EP300: variants seen among roughly 807,000 people sequenced by gnomAD.
EP300 encodes EP300 lysine acetyltransferase.
In EP300, 31 loss-of-function variants were observed where a neutral mutation model predicts 264.0. That is an observed-to-expected ratio of 0.12 (90% CI 0.09 to 0.16). The LOEUF is 0.16. EP300 is among the 10% of genes least tolerant of loss of function. EP300 has a pLI of 1.00. For synonymous variants in EP300, 1,340 were observed against 1,045.4 expected (o/e 1.28, Z -5.44); for missense variants, 2,766 against 3,052.9 (o/e 0.91, Z 2.21).
At chr22:41,167,582 GTGTATATATATATATATATA>G (rs1232429240) in intron 23 of EP300, among the ~76,000 whole-genome samples, 122 of 21,660 alleles carry the variant, frequency 5.6e-3, no homozygotes, top group African/African-American at 0.017. Flanking sequence ...GTGTGTGTGT[GTGTATATATATATATATATA>G]TATATATATA....
intron 19 of EP300, 123 bp from the exon 20 acceptor site, chr22:41,160,519 G>A: frequency 2.5e-6 from 2 of 805,128 alleles, no homozygotes; most frequent in Non-Finnish European, 4.3e-6. Context: ...TGTCGCCGTT[G>A]ATGACCTGCT....
At position 41,111,012 on chromosome 22, in the gene EP300, C is replaced by A. The variant is rs1018255915; in HGVS notation, c.95-6175C>A. The stretch of plus-strand genomic sequence containing the variant: ...TAGAGTCTCACTCTTGTCACCCAGG[C>A]CGGAATGCAGTGGTACAATCTCTGC... On this transcript the variant is annotated intron_variant, in intron 1 of 30. Transcript: ENST00000263253. 1.7e-4 allele frequency among the ~76,000 whole-genome samples: 26 copies of A among 151,342 alleles called. 1 individual carries two copies. The highest frequency in any genetic ancestry group is 1.3e-3 in the Admixed American group (19 of 15,188).
intron 5 of EP300, among the ~76,000 whole-genome samples, chr22:41,130,265 A>G (rs1569097492): frequency 6.6e-6 from 1 of 151,804 alleles, no homozygotes; most frequent in Non-Finnish European, 1.5e-5. Context: ...AAAAAAAAAA[A>G]AAAAAGAAAG....
intron 22 of EP300, 95 bp from the exon 23 acceptor site, chr22:41,166,504 C>T: frequency 2.1e-6 from 2 of 956,544 alleles, no homozygotes; most frequent in Non-Finnish European, 3.3e-6. Flanking sequence ...TTTAGAAATA[C>T]TTCTGCTAGA....
At chr22:41,117,041 A>G (rs1484840998) in intron 1 of EP300, 146 bp from the exon 2 acceptor site, 2 of 765,632 alleles carry the variant, frequency 2.6e-6, no homozygotes, top group East Asian at 2.7e-5. Flanking sequence ...AGCCTGTGCA[A>G]CAGAGTAAGA....
At chr22:41,131,707 G>C in intron 6 of EP300, 74 bp downstream of exon 6, 5 of 1,601,988 alleles carry the variant, frequency 3.1e-6, no homozygotes, top group Non-Finnish European at 3.4e-6. Flanking sequence ...AGTGTTGTTA[G>C]CTCCTTTTTA....
chr22:41,107,578 T>A (rs1404521908), intron 1 of EP300, among the ~76,000 whole-genome samples: 1 of 152,232 alleles, frequency 6.6e-6, no homozygotes, highest in Admixed American at 6.5e-5. Flanking sequence ...GGGATTATAT[T>A]TTTAATGGTT....
chr22:41,128,446 A>C (rs1398683844), intron 4 of EP300, among the ~76,000 whole-genome samples: 1 of 151,892 alleles, frequency 6.6e-6, no homozygotes, highest in Non-Finnish European at 1.5e-5. Flanking sequence ...GGACGATAGA[A>C]CCAAACCCTG....
chr22:41,177,735 T>C lies in EP300; in HGVS notation c.6024T>C (p.Ser2008=). 3 of 1,613,774 alleles carry C rather than the reference T, an allele frequency of 1.9e-6. No homozygotes were observed. The highest frequency in any genetic ancestry group is 2.5e-6 in the Non-Finnish European group (3 of 1,179,994). Residue 2008 remains serine, a synonymous_variant, in exon 31 of 31, where the codon TCT becomes TCC. Transcript: ENST00000263253. ...TGCCTCAGCCCCAGCAACTACAGTC[T>C]GGGATGCCAAGGCCAGCCATGATGT... The part of the protein sequence containing the change: ...GGLPQPQQLQ[S]GMPRPAMMSV...
intron 23 of EP300, 51 bp from the exon 24 acceptor site, chr22:41,168,398 C>G (rs749596241): frequency 4.2e-5 from 68 of 1,603,976 alleles, no homozygotes; most frequent in Non-Finnish European, 1.4e-5. Flanking sequence ...AACCTTAAGA[C>G]TAACAACAGT....
chr22:41,112,044 C>G (rs1438646265), intron 1 of EP300, among the ~76,000 whole-genome samples: 2 of 151,738 alleles, frequency 1.3e-5, no homozygotes, highest in Non-Finnish European at 2.9e-5. Flanking sequence ...TCCGCCACCG[C>G]GCCCAGCTAA....
rs140300789 is a variant in EP300 at position 41,178,628 on chromosome 22, A to G, written c.6917A>G (p.Gln2306Arg). 2.2e-4 allele frequency: 362 copies of G among 1,613,686 alleles called. No homozygotes were observed. Among genetic ancestry groups the G allele is most frequent in the Non-Finnish European group, 2.9e-4 (344 of 1,179,984 alleles). ...GQQIPNSLSN[Q>R]VRSPQPVPSP... ...CAGATCCCTAATTCTCTCTCCAATC[A>G]AGTGCGCTCTCCCCAGCCTGTCCCT... is the stretch of plus-strand genomic sequence containing the variant. Residue 2306 changes from glutamine to arginine, a missense_variant, in exon 31 of 31, where the codon CAA becomes CGA. Transcript: ENST00000263253.
intron 16 of EP300, 54 bp from the exon 17 acceptor site, chr22:41,154,936 TTTTTA>T (rs2059068202): frequency 1.7e-6 from 2 of 1,178,262 alleles, no homozygotes; most frequent in Non-Finnish European, 2.5e-6. Flanking sequence ...GCTGAATGAT[TTTTTA>T]AAGTTCTTCT....
chr22:41,125,780 G>A, intron 2 of EP300, 84 bp from the exon 3 acceptor site: 2 of 1,427,870 alleles, frequency 1.4e-6, no homozygotes, highest in Non-Finnish European at 1.9e-6. Flanking sequence ...CTGTCTTTGT[G>A]AACTTGGAAG....
chr22:41,092,970 G>C lies in EP300; in HGVS notation c.-35G>C, dbSNP rs757909436. Reference sequence around the variant, plus strand: ...GAAGAAGAGATTTCCTGAGGATTCTGGTTTTCCTCGCTTGTATCTCCGAAA... The same window carrying C: ...GAAGAAGAGATTTCCTGAGGATTCTCGTTTTCCTCGCTTGTATCTCCGAAA... On this transcript the variant is annotated 5_prime_UTR_variant, in exon 1 of 31. Transcript: ENST00000263253. The C allele has an allele frequency of 1.1e-5, 17 of 1,611,784 alleles. 1 individual carries two copies. The South Asian group carries it at 1.9e-4, about 18-fold the overall frequency.
At chr22:41,118,705 C>T (rs886428774) in intron 2 of EP300, among the ~76,000 whole-genome samples, 4 of 152,110 alleles carry the variant, frequency 2.6e-5, no homozygotes, top group Middle Eastern at 3.4e-3. Context: ...CCTGTAATCC[C>T]AGCACTTTGG....
intron 19 of EP300, chr22:41,158,882 AT>A (rs2059092454): frequency 4.1e-6 from 1 of 243,320 alleles, no homozygotes; most frequent in Admixed American, 5.1e-5. Flanking sequence ...TTTTGGAAAT[AT>A]TTCCTTTTTA....
At position 41,177,716 on chromosome 22, in the gene EP300, A is replaced by C. The variant is rs773556639; in HGVS notation, c.6005A>C (p.Gln2002Pro). ...CCCTGGAGCCAAGGAGGATTGCCTC[A>C]GCCCCAGCAACTACAGTCTGGGATG... is the stretch of plus-strand genomic sequence containing the variant. ...QPPWSQGGLP[Q>P]PQQLQSGMPR... is the part of the protein sequence containing the mutation. The change falls in exon 31 of 31, where the codon CAG (glutamine) becomes CCG (proline). Residue 2002 changes from glutamine to proline, a missense_variant. By Grantham distance (76) the Gln-to-Pro change is moderately conservative. Transcript: ENST00000263253. 1 of 1,613,870 alleles carries C rather than the reference A, an allele frequency of 6.2e-7. No individual in the cohort carries two copies. The highest frequency in any genetic ancestry group is 8.5e-7 in the Non-Finnish European group (1 of 1,180,030).
intron 16 of EP300, among the ~76,000 whole-genome samples, chr22:41,152,792 T>C (rs963704430): frequency 7.2e-5 from 11 of 152,132 alleles, no homozygotes; most frequent in Non-Finnish European, 1.5e-4. Context: ...ATTCTCACTT[T>C]TGTTGTTCAG....
Sources: gnomAD v4.1 joint callset for allele counts (sites outside exome capture counted in the v4.1 genomes callset) on GRCh38, gnomAD v4.1.1 for gene constraint, MANE v1.5 for transcripts, NCBI Gene and HGNC (gene_info 2026-07-23, HGNC 2026-07-21) for gene names.